Variants in SPATA24 observed in about 807,000 individuals in gnomAD.
The protein encoded by SPATA24 is spermatogenesis-associated protein 24.
SPATA24 carries 21 observed loss-of-function variants against 28.9 expected under a neutral mutation model. The observed-to-expected ratio is 0.73, with a 90% CI of 0.52 to 1.05. SPATA24 has a LOEUF of 1.05. SPATA24 is among the 50% of genes least tolerant of loss of function. The pLI, the probability that SPATA24 is intolerant of heterozygous loss-of-function variation, is 0.00. For missense variants in SPATA24, 215 were observed against 242.9 expected, an observed-to-expected ratio of 0.88 and a Z score of 0.76; for synonymous variants, 76 against 89.9, an observed-to-expected ratio of 0.85 and a Z score of 0.88.
chr5:139,394,941 C>G (rs1237098610), downstream of SPATA24: 1 of 1,521,420 alleles, frequency 6.6e-7, no homozygotes, highest in Non-Finnish European at 8.8e-7. Flanking sequence ...TCGCGTCCGG[C>G]CCAACGTCCG....
At chr5:139,392,592 G>A, downstream of SPATA24, 1 of 1,364,516 alleles carries the variant, frequency 7.3e-7, no homozygotes, top group Non-Finnish European at 9.4e-7. The surrounding 1 kb of genome is among the most constrained non-coding windows in gnomAD (Gnocchi z 5.8). Flanking sequence ...GCGCCTGGAC[G>A]GCAGCCGCGG....
downstream of SPATA24, chr5:139,395,098 G>A (rs1244293615): frequency 7.2e-6 from 10 of 1,391,192 alleles, no homozygotes; most frequent in East Asian, 3.0e-5. Context: ...GCCGGACGCC[G>A]TGCACTATCT....
Position 139,403,964 on chromosome 5 carries a change from T to A in SPATA24, c.97A>T (p.Ile33Phe). Residue 33 changes from isoleucine (I) to phenylalanine (F), a missense_variant, in exon 1 of 6, where the codon ATC (isoleucine) becomes TTC (phenylalanine). Coordinates refer to ENST00000450845, the MANE Select transcript of SPATA24 (RefSeq NM_194296.2). ...CATACCACGTTCCTCAGCTGGTGGATTAGTTCCTCCTGAGACTCAATCACG... is the reference window on the plus strand; with the variant it reads ...CATACCACGTTCCTCAGCTGGTGGAATAGTTCCTCCTGAGACTCAATCACG... ...RDVIESQEEL[I>F]HQLRNVMVLQ... 6.4e-7 allele frequency: 1 copy of A among 1,551,702 alleles called. No individual in the cohort carries two copies. Among genetic ancestry groups the A allele is most frequent in the Middle Eastern group, 1.7e-4 (1 of 5,994 alleles).
intron 4 of SPATA24, among the ~76,000 whole-genome samples, chr5:139,399,497 C>T (rs927296716): frequency 6.6e-6 from 1 of 152,088 alleles, no homozygotes; most frequent in Non-Finnish European, 1.5e-5. Flanking sequence ...GGTCATGGGA[C>T]GAGGACTGTT....
At chr5:139,392,847 G>C (rs1387978351), downstream of SPATA24, 10 of 1,539,176 alleles carry the variant, frequency 6.5e-6, no homozygotes, top group Middle Eastern at 1.7e-4. This position sits in a 1 kb window ranked among gnomAD's most constrained non-coding sequence, Gnocchi z 5.8. Context: ...AGGTTACCTC[G>C]GGCCGGCGAC....
chr5:139,401,774 C>T lies in SPATA24; in HGVS notation c.366G>A (p.Gln122=). 1 of 1,551,644 alleles carries T rather than the reference C, an allele frequency of 6.4e-7. No individual in the cohort carries two copies. Among genetic ancestry groups the T allele is most frequent in the East Asian group, 2.4e-5 (1 of 40,920 alleles). Residue 122 remains glutamine (Q), a synonymous_variant, in exon 4 of 6, where the codon CAG becomes CAA. Transcript: ENST00000450845. ...KVLQESSKKD[Q]LITKCNEIES... is the part of the protein sequence containing the mutation. ...GCCTACCATTGCACTTGGTGATGAG[C>T]TGGTCCTTCTTGCTGGACTCCTGAA...
chr5:139,394,360 A>T, downstream of SPATA24: 4 of 1,419,914 alleles, frequency 2.8e-6, no homozygotes, highest in Non-Finnish European at 3.7e-6. Flanking sequence ...CAGGGGGCCC[A>T]GCGACTCGTC....
At chr5:139,398,465 C>G (rs1280974173) in intron 4 of SPATA24, among the ~76,000 whole-genome samples, 1 of 151,524 alleles carries the variant, frequency 6.6e-6, no homozygotes, top group Non-Finnish European at 1.5e-5. Flanking sequence ...ATAGTCCTGG[C>G]TACTTGCTGA....
At chr5:139,393,118 G>T (rs905253446), downstream of SPATA24, 1 of 1,528,494 alleles carries the variant, frequency 6.5e-7, no homozygotes, top group African/African-American at 1.4e-5. Flanking sequence ...CTCCCCGCAG[G>T]GGTCGGCAGG....
chr5:139,394,099 G>C, downstream of SPATA24: 4 of 1,549,292 alleles, frequency 2.6e-6, no homozygotes, highest in Non-Finnish European at 3.5e-6. Flanking sequence ...CCCGGGCGCA[G>C]GCTTGTCGCG....
downstream of SPATA24, chr5:139,393,054 C>G: frequency 6.5e-7 from 1 of 1,531,924 alleles, no homozygotes; most frequent in Middle Eastern, 1.7e-4. Context: ...TGTAGTGAGC[C>G]GGGGCGGGGG....
intron 1 of SPATA24, among the ~76,000 whole-genome samples, chr5:139,403,515 T>G (rs989754368): frequency 6.6e-6 from 1 of 152,230 alleles, no homozygotes; most frequent in African/African-American, 2.4e-5. Flanking sequence ...TGGAGGCCCC[T>G]AAGTTAGCGC....
At chr5:139,402,839 CA>C (rs1013484941) in intron 1 of SPATA24, 146 bp from the exon 2 acceptor site, 14 of 661,464 alleles carry the variant, frequency 2.1e-5, no homozygotes, top group African/African-American at 2.0e-4. Context: ...TTCAGTTCCA[CA>C]GATAAACTGA....
chr5:139,393,509 T>A (rs772602044), downstream of SPATA24: 3 of 1,551,498 alleles, frequency 1.9e-6, no homozygotes, highest in South Asian at 3.6e-5. Flanking sequence ...CCCGGCCCCA[T>A]GGGATCCCAT....
chr5:139,393,379 C>T (rs1484151455), downstream of SPATA24: 1 of 1,551,570 alleles, frequency 6.4e-7, no homozygotes, highest in South Asian at 1.2e-5. Flanking sequence ...TGAAATTTCC[C>T]GCGTGGATGG....
chr5:139,401,658 G>T, intron 4 of SPATA24, 97 bp downstream of exon 4: 1 of 1,310,682 alleles, frequency 7.6e-7, no homozygotes, highest in Non-Finnish European at 1.1e-6. Context: ...CTGGGGACAG[G>T]TGTTAGAGTG....
downstream of SPATA24, chr5:139,394,398 G>A: frequency 7.2e-7 from 1 of 1,391,136 alleles, no homozygotes; most frequent in Non-Finnish European, 9.3e-7. Flanking sequence ...GGAGCAGCCG[G>A]GGGCGCGGCG....
At chr5:139,401,649 TG>T in intron 4 of SPATA24, 105 bp downstream of exon 4, 1 of 1,262,328 alleles carries the variant, frequency 7.9e-7, no homozygotes, top group Non-Finnish European at 1.1e-6. Flanking sequence ...TATCCTCAGC[TG>T]GGGACAGGTG....
At chr5:139,393,783 G>T (rs1193313788), downstream of SPATA24, 1 of 1,551,322 alleles carries the variant, frequency 6.4e-7, no homozygotes, top group African/African-American at 1.4e-5. Context: ...ACTCGGAGGA[G>T]GCTTCAGGGA....
Sources: allele counts gnomAD v4.1 joint callset (sites outside exome capture counted in the v4.1 genomes callset), GRCh38; gene constraint gnomAD v4.1.1; non-coding constraint Gnocchi (gnomAD v3.1); transcripts MANE v1.5; gene names NCBI Gene and HGNC (gene_info 2026-07-23, HGNC 2026-07-21).